CACNA1D: variants seen among roughly 807,000 people sequenced by gnomAD.
The protein encoded by CACNA1D is voltage-dependent L-type calcium channel subunit alpha-1D.
CACNA1D carries 55 observed loss-of-function variants against 257.1 expected under a neutral mutation model. The ratio of observed to expected loss-of-function variants is 0.21; its 90% CI spans 0.17 to 0.27. The LOEUF is 0.27. CACNA1D is among the 10% of genes least tolerant of loss of function. The probability of loss-of-function intolerance (pLI) is 1.00; values close to 1 mark genes in which losing one functional copy is unlikely to be tolerated. For synonymous variants in CACNA1D, 980 were observed against 1,014.9 expected, an observed-to-expected ratio of 0.97 and a Z score of 0.65; for missense variants, 1,876 against 2,784.0, an observed-to-expected ratio of 0.67 and a Z score of 7.34.
intron 4 of CACNA1D, among the ~76,000 whole-genome samples, chr3:53,657,363 G>T (rs1281180851): frequency 6.6e-6 from 1 of 152,002 alleles, no homozygotes; most frequent in Non-Finnish European, 1.5e-5. Flanking sequence ...GCCAATCACT[G>T]GATACTCAAG....
chr3:53,667,291 A>G (rs941932086), intron 7 of CACNA1D, among the ~76,000 whole-genome samples: 2 of 152,112 alleles, frequency 1.3e-5, no homozygotes, highest in Middle Eastern at 3.2e-3. Context: ...AATAAGTGCT[A>G]TAGCATTTTA....
At position 53,708,919 on chromosome 3, in the gene CACNA1D, G is replaced by A. The variant is rs145723175; in HGVS notation, c.1390+6109G>A. On this transcript the variant is annotated intron_variant, in intron 9 of 47. Transcript: ENST00000350061. ...ACACAGGTATTTTTCACTGAACCAT[G>A]TACCACAGATATTTCCCATGTTTTT... 1.8e-4 allele frequency among the ~76,000 whole-genome samples: 28 copies of A among 152,244 alleles called. No individual in the cohort carries two copies. The East Asian group carries it at 4.2e-3, about 23-fold the overall frequency.
intron 46 of CACNA1D, chr3:53,808,993 C>T: frequency 1.7e-6 from 1 of 574,400 alleles, no homozygotes; most frequent in Non-Finnish European, 3.1e-6. Context: ...ATCCAGGGAG[C>T]CAGCTGCCAA....
chr3:53,738,664 C>T (rs2095083373), intron 20 of CACNA1D, among the ~76,000 whole-genome samples: 1 of 152,012 alleles, frequency 6.6e-6, no homozygotes, highest in South Asian at 2.1e-4. Context: ...AAAATGTTAC[C>T]GTTCTGCTTA....
intron 3 of CACNA1D, among the ~76,000 whole-genome samples, chr3:53,580,653 G>A (rs1249501484): frequency 6.6e-6 from 1 of 152,138 alleles, no homozygotes; most frequent in Non-Finnish European, 1.5e-5. Flanking sequence ...GGCCCTTTTT[G>A]GCACAAAGAC....
At chr3:53,790,730 T>C (rs1406911714) in intron 40 of CACNA1D, among the ~76,000 whole-genome samples, 5 of 152,276 alleles carry the variant, frequency 3.3e-5, no homozygotes, top group East Asian at 1.9e-4. Context: ...GTGGTCTTCT[T>C]AGGGAGGCTC....
chr3:53,629,896 G>GCAATGCAATA (rs2093803455), intron 3 of CACNA1D, among the ~76,000 whole-genome samples: 2 of 152,238 alleles, frequency 1.3e-5, no homozygotes, highest in Non-Finnish European at 2.9e-5. Context: ...CTGACTGACA[G>GCAATGCAATA]TGTATTTGCA....
chr3:53,550,006 GAA>G (rs2092496858), intron 3 of CACNA1D, among the ~76,000 whole-genome samples: 1 of 152,206 alleles, frequency 6.6e-6, no homozygotes, highest in African/African-American at 2.4e-5. Context: ...GATTTAAAGT[GAA>G]AGATTTCAGT....
At chr3:53,585,407 A>G (rs1160806291) in intron 3 of CACNA1D, among the ~76,000 whole-genome samples, 1 of 152,188 alleles carries the variant, frequency 6.6e-6, no homozygotes, top group African/African-American at 2.4e-5. Flanking sequence ...AAGAATTGTC[A>G]TTGTTTTAGA....
In CACNA1D at chr3:53,789,963, C is replaced by T. The variant is rs944601907; in HGVS notation, c.4923+3011C>T. On this transcript the variant is annotated intron_variant, in intron 40 of 47. Transcript: ENST00000350061. This position sits in a 1 kb window ranked among gnomAD's most constrained non-coding sequence, Gnocchi z 4.2. The stretch of plus-strand genomic sequence containing the variant: ...CATGTGTGGGAAGGAGCTCGGCATC[C>T]GGTGTCTTCTGGCCTCTGTGGTCTG... Among the ~76,000 whole-genome samples the T allele has an allele frequency of 1.3e-5, 2 of 152,190 alleles. No individual in the cohort carries two copies. The highest frequency in any genetic ancestry group is 2.1e-4 in the South Asian group (1 of 4,824).
At position 53,660,272 on chromosome 3, in the gene CACNA1D, C is replaced by G; in HGVS notation, c.763C>G (p.Pro255Ala). The change falls in exon 5 of 48, where the codon CCC becomes GCC. Residue 255 changes from proline (P) to alanine (A), a missense_variant. Pro to Ala is a conservative substitution (Grantham distance 27). Around this residue, in one of 10 missense-constraint regions of CACNA1D, gnomAD observed 188 missense variants for 390.4 expected, o/e 0.48. Transcript: ENST00000350061. ...ACCACTTCGACTAGTGTCAGGAGTG[C>G]CCAGTAAGCACTTATTGTTTCCTAG... Reference protein sequence around the residue: ...LRPLRLVSGVPSLQVVLNSII... With the variant: ...LRPLRLVSGVASLQVVLNSII... 6.2e-7 allele frequency: 1 copy of G among 1,613,750 alleles called. No individual in the cohort carries two copies. The highest frequency in any genetic ancestry group is 1.1e-5 in the South Asian group (1 of 91,054).
chr3:53,654,643 T>C (rs1380920143), intron 4 of CACNA1D, among the ~76,000 whole-genome samples: 1 of 152,202 alleles, frequency 6.6e-6, no homozygotes, highest in East Asian at 1.9e-4. Context: ...AAATAAAGCT[T>C]CATTGTAATT....
chr3:53,745,549 A>G (rs1299165976), intron 23 of CACNA1D, 75 bp from the exon 24 acceptor site: 5 of 919,566 alleles, frequency 5.4e-6, no homozygotes, highest in Non-Finnish European at 9.0e-6. Flanking sequence ...CCAACACAGA[A>G]ACTGTCGGCT....
At chr3:53,763,199 G>C (rs563007447) in intron 30 of CACNA1D, among the ~76,000 whole-genome samples, 35 of 152,338 alleles carry the variant, frequency 2.3e-4, no homozygotes, top group African/African-American at 8.2e-4. Context: ...AAGGCTGCTT[G>C]GGGCCAGGGA....
At chr3:53,592,098 A>G (rs927509301) in intron 3 of CACNA1D, among the ~76,000 whole-genome samples, 2 of 152,262 alleles carry the variant, frequency 1.3e-5, no homozygotes, top group African/African-American at 4.8e-5. Context: ...GAGGAGCAGC[A>G]GTGAACCAAA....
chr3:53,527,357 G>A (rs1358840161), intron 3 of CACNA1D, among the ~76,000 whole-genome samples: 1 of 152,144 alleles, frequency 6.6e-6, no homozygotes, highest in Non-Finnish European at 1.5e-5. Context: ...AAAATAAGAA[G>A]CCTTGAGTTC....
At chr3:53,668,276 C>T (rs2094288955) in intron 7 of CACNA1D, among the ~76,000 whole-genome samples, 1 of 152,172 alleles carries the variant, frequency 6.6e-6, no homozygotes, top group South Asian at 2.1e-4. Flanking sequence ...TATATTCCTT[C>T]ACATCGATTC....
chr3:53,750,805 C>A (rs2095218891), intron 27 of CACNA1D, among the ~76,000 whole-genome samples: 1 of 152,160 alleles, frequency 6.6e-6, no homozygotes, highest in Non-Finnish European at 1.5e-5. Flanking sequence ...GAAGCCTGCA[C>A]CCAGAGTCAA....
At chr3:53,674,020 G>C in intron 8 of CACNA1D, 1 of 641,480 alleles carries the variant, frequency 1.6e-6, no homozygotes, top group East Asian at 2.7e-5. Context: ...GCCAAACACT[G>C]TTAATTTAAT....
Sources: allele counts gnomAD v4.1 joint callset (sites outside exome capture counted in the v4.1 genomes callset), GRCh38; gene constraint gnomAD v4.1.1; regional missense constraint gnomAD v4.1.1; non-coding constraint Gnocchi (gnomAD v3.1); transcripts MANE v1.5; gene names NCBI Gene and HGNC (gene_info 2026-07-23, HGNC 2026-07-21).